MYO3B: variants seen among roughly 807,000 people sequenced by gnomAD.
MYO3B encodes myosin-IIIb.
A neutral mutation model predicts 174.6 loss-of-function variants in MYO3B; 156 were observed. The observed-to-expected ratio is 0.89, with a 90% CI of 0.78 to 1.02. The LOEUF (loss-of-function observed/expected upper bound fraction) is 1.02. Ranked by LOEUF, MYO3B falls within the 50% of genes least tolerant of loss-of-function variation. The pLI, the probability that MYO3B is intolerant of heterozygous loss-of-function variation, is 0.00. For synonymous variants in MYO3B, 563 were observed against 569.1 expected, an observed-to-expected ratio of 0.99 and a Z score of 0.15; for missense variants, 1,632 against 1,639.4, an observed-to-expected ratio of 1.00 and a Z score of 0.08.
chr2:170,263,901 G>T (rs991869177), intron 7 of MYO3B, among the ~76,000 whole-genome samples: 1 of 152,062 alleles, frequency 6.6e-6, no homozygotes, highest in African/African-American at 2.4e-5. Context: ...TTCCCTTCCC[G>T]TGAGGCCATA....
At chr2:170,365,145 G>T (rs1010348903) in intron 8 of MYO3B, among the ~76,000 whole-genome samples, 6 of 152,138 alleles carry the variant, frequency 3.9e-5, no homozygotes, top group Non-Finnish European at 7.4e-5. Flanking sequence ...TGTTTCGTAC[G>T]TTGTACCTTT....
intron 28 of MYO3B, among the ~76,000 whole-genome samples, chr2:170,505,110 C>A (rs1303760461): frequency 1.3e-5 from 2 of 151,968 alleles, no homozygotes; most frequent in African/African-American, 2.4e-5. Flanking sequence ...AAAAAAAATA[C>A]CCTGGGTACA....
chr2:170,364,295 A>T (rs79769385), intron 8 of MYO3B, among the ~76,000 whole-genome samples: 1,447 of 10,600 alleles, frequency 0.14, 17 homozygotes, highest in African/African-American at 0.16. Flanking sequence ...ACTTTTTTTT[A>T]ACCCTAGCTC....
chr2:170,559,595 A>C (rs936549772), intron 32 of MYO3B, among the ~76,000 whole-genome samples: 1 of 152,188 alleles, frequency 6.6e-6, no homozygotes, highest in South Asian at 2.1e-4. Context: ...GAACAGATAT[A>C]TCTCTTATTA....
chr2:170,254,426 G>A (rs756861570), intron 7 of MYO3B, among the ~76,000 whole-genome samples: 6 of 152,096 alleles, frequency 3.9e-5, no homozygotes, highest in Non-Finnish European at 8.8e-5. Flanking sequence ...CCTTTCCTGC[G>A]GGACTCGGGG....
At chr2:170,571,250 G>A (rs1450472021) in intron 32 of MYO3B, among the ~76,000 whole-genome samples, 1 of 152,142 alleles carries the variant, frequency 6.6e-6, no homozygotes, top group Non-Finnish European at 1.5e-5. Flanking sequence ...TTCTGTACCT[G>A]CCCTCAGGTG....
intron 30 of MYO3B, among the ~76,000 whole-genome samples, chr2:170,529,317 T>A (rs114213532): frequency 0.013 from 1,941 of 151,940 alleles, 40 homozygotes; most frequent in African/African-American, 0.044. Flanking sequence ...CAAGTTTACC[T>A]ATATAACAAA....
At chr2:170,225,595 G>T (rs746390275) in intron 6 of MYO3B, among the ~76,000 whole-genome samples, 1 of 152,078 alleles carries the variant, frequency 6.6e-6, no homozygotes, top group African/African-American at 2.4e-5. Context: ...TTTACTCTTG[G>T]CTCTGCCACT....
chr2:170,359,369 C>T (rs757321001), intron 8 of MYO3B, among the ~76,000 whole-genome samples: 3 of 152,160 alleles, frequency 2.0e-5, no homozygotes, highest in South Asian at 4.1e-4. Flanking sequence ...TTAATTCAGA[C>T]TGTATTCTTC....
At chr2:170,527,918 C>A (rs13397157) in intron 30 of MYO3B, among the ~76,000 whole-genome samples, 1,633 of 152,326 alleles carry the variant, frequency 0.011, 29 homozygotes, top group African/African-American at 0.037. Context: ...AATTTAGAAT[C>A]TTTGGCCATA....
intron 23 of MYO3B, among the ~76,000 whole-genome samples, chr2:170,452,963 T>C (rs1438305504): frequency 6.6e-6 from 1 of 152,212 alleles, no homozygotes; most frequent in Non-Finnish European, 1.5e-5. Flanking sequence ...TTTCCTATTG[T>C]TCTTCCCAAA....
chr2:170,510,758 T>C (rs1687926025), intron 28 of MYO3B, among the ~76,000 whole-genome samples: 1 of 152,270 alleles, frequency 6.6e-6, no homozygotes, highest in East Asian at 1.9e-4. Flanking sequence ...TAACCACTAA[T>C]GGGTTTTCTG....
At chr2:170,536,995 T>C (rs147505253) in intron 30 of MYO3B, among the ~76,000 whole-genome samples, 2,500 of 151,962 alleles carry the variant, frequency 0.016, 68 homozygotes, top group African/African-American at 0.056. Context: ...AGGTCAGGCA[T>C]TCAAGACCAG....
At chr2:170,391,405 G>A in intron 14 of MYO3B, 115 bp from the exon 15 acceptor site, 1 of 549,020 alleles carries the variant, frequency 1.8e-6, no homozygotes, top group East Asian at 3.3e-5. Context: ...ATATTTAATT[G>A]CCTGAAAATA....
At chr2:170,338,065 A>G (rs919508037) in intron 8 of MYO3B, 1 of 152,218 alleles carries the variant, frequency 6.6e-6, no homozygotes, top group African/African-American at 2.4e-5. Context: ...ATAGTTCCTT[A>G]TGGCAAATCC....
chr2:170,241,617 A>G (rs968118121), intron 7 of MYO3B, among the ~76,000 whole-genome samples: 1 of 152,180 alleles, frequency 6.6e-6, no homozygotes, highest in Admixed American at 6.5e-5. Context: ...GAGTTTGGAT[A>G]ACAAAAAGGA....
intron 19 of MYO3B, among the ~76,000 whole-genome samples, chr2:170,403,838 G>A (rs1352281934): frequency 1.3e-5 from 2 of 152,128 alleles, no homozygotes; most frequent in African/African-American, 2.4e-5. Flanking sequence ...TTTATTTCCC[G>A]GTAATCTGGA....
At chr2:170,222,578 T>C (rs2092912787) in intron 6 of MYO3B, among the ~76,000 whole-genome samples, 1 of 152,106 alleles carries the variant, frequency 6.6e-6, no homozygotes, top group Non-Finnish European at 1.5e-5. Flanking sequence ...TGTAGTGCCG[T>C]GGTATTTTCT....
chr2:170,551,241 A>G (rs1246744021), intron 32 of MYO3B, among the ~76,000 whole-genome samples: 2 of 152,058 alleles, frequency 1.3e-5, no homozygotes, highest in Non-Finnish European at 2.9e-5. Flanking sequence ...ATTATAAACT[A>G]TGCTACTTCT....
Sources: allele counts gnomAD v4.1 joint callset (sites outside exome capture counted in the v4.1 genomes callset), GRCh38; gene constraint gnomAD v4.1.1; transcripts MANE v1.5; gene names NCBI Gene and HGNC (gene_info 2026-07-23, HGNC 2026-07-21).